Variants in TTYH1 observed in about 807,000 individuals in gnomAD.
The protein encoded by TTYH1 is protein tweety homolog 1.
Under a neutral mutation model 61.2 loss-of-function variants are expected in TTYH1, and 33 were observed. The observed-to-expected ratio is 0.54, with a 90% CI of 0.41 to 0.72. TTYH1 has a LOEUF of 0.72. Ranked by LOEUF, TTYH1 falls within the 30% of genes least tolerant of loss-of-function variation. The probability of loss-of-function intolerance (pLI) is 0.00; values close to 1 mark genes in which losing one functional copy is unlikely to be tolerated. For synonymous variants in TTYH1, 308 were observed against 266.4 expected, an observed-to-expected ratio of 1.16 and a Z score of -1.52; for missense variants, 538 against 575.8, an observed-to-expected ratio of 0.93 and a Z score of 0.67.
At position 54,417,691 on chromosome 19, in the gene TTYH1, A is replaced by G. The variant is rs1473568107; in HGVS notation, c.127-1437A>G. On this transcript the variant is annotated intron_variant, in intron 1 of 13. Coordinates refer to ENST00000376530, the MANE Select transcript of TTYH1 (RefSeq NM_020659.4). Reference sequence around the variant, plus strand: ...CATACACGTTTATACTCCCATACACACACACACGTACATTCCATTCACATC... The same window carrying G: ...CATACACGTTTATACTCCCATACACGCACACACGTACATTCCATTCACATC... 7.3e-5 allele frequency among the ~76,000 whole-genome samples: 11 copies of G among 151,112 alleles called. No homozygotes were observed. The South Asian group carries it at 2.1e-3, about 29-fold the overall frequency.
At position 54,429,279 on chromosome 19, in the gene TTYH1, CG is replaced by C. The variant is rs758775174; in HGVS notation, c.735-25del. On this transcript the variant is annotated intron_variant, in intron 5 of 13. Coordinates refer to ENST00000376530, the MANE Select transcript of TTYH1 (RefSeq NM_020659.4). The surrounding 1 kb of genome is among the most constrained non-coding windows in gnomAD (Gnocchi z 5.1). Reference sequence around the variant, plus strand: ...GGCTAGGCTAGGAGATTAAGAACCCCGGGCTGATCCTCCCTCCCCCACTCTA... The same window carrying C: ...GGCTAGGCTAGGAGATTAAGAACCCCGGCTGATCCTCCCTCCCCCACTCTA... The C allele has an allele frequency of 3.0e-5, 49 of 1,609,846 alleles. No homozygotes were observed. The East Asian group carries it at 1.0e-3, about 33-fold the overall frequency.
At chr19:54,427,384 T>C (rs1056765626) in intron 5 of TTYH1, among the ~76,000 whole-genome samples, 2 of 140,692 alleles carry the variant, frequency 1.4e-5, no homozygotes, top group African/African-American at 2.7e-5. Context: ...GGAGGGCGGA[T>C]CACGAGGTCA....
chr19:54,433,573 A>AT (rs1452798950), intron 10 of TTYH1: 1 of 150,688 alleles, frequency 6.6e-6, no homozygotes, highest in Non-Finnish European at 1.5e-5. Flanking sequence ...AAAAAAAAAA[A>AT]AAATAGGAGG....
chr19:54,430,240 G>A (rs1313429153), intron 7 of TTYH1, among the ~76,000 whole-genome samples: 1 of 152,094 alleles, frequency 6.6e-6, no homozygotes, highest in Admixed American at 6.6e-5. Context: ...GTGCCAGGAA[G>A]AGAGAGGAGG....
Position 54,416,012 on chromosome 19 carries a change from G to A in TTYH1, c.126+334G>A. On this transcript the variant is annotated intron_variant, in intron 1 of 13. Coordinates refer to ENST00000376530, the MANE Select transcript of TTYH1 (RefSeq NM_020659.4). This position sits in a 1 kb window ranked among gnomAD's most constrained non-coding sequence, Gnocchi z 7.0. Reference sequence around the variant, plus strand: ...GCCGGCCTCCAGGGTCATCGGGAGGGTAGGTCTACTCTTCCTGCCCTAAAA... The same window carrying A: ...GCCGGCCTCCAGGGTCATCGGGAGGATAGGTCTACTCTTCCTGCCCTAAAA... 7.5e-7 allele frequency: 1 copy of A among 1,335,786 alleles called. No homozygotes were observed. Among genetic ancestry groups the A allele is most frequent in the African/African-American group, 1.5e-5 (1 of 67,206 alleles). The allele number at this position is 1,335,786 out of a possible 1,614,324, so 82.7% of individuals were successfully genotyped here. A position where few individuals can be genotyped will look rare whatever the true frequency, so the allele number is the denominator to read the frequency against.
rs536679349 is a variant in TTYH1, at chr19:54,420,927, G to T, written c.306-350G>T. On this transcript the variant is annotated intron_variant, in intron 2 of 13. Transcript: ENST00000376530. The surrounding 1 kb of genome is among the most constrained non-coding windows in gnomAD (Gnocchi z 4.8). ...AAAGGATGCGGGGGAAGGGTGTGGG[G>T]CAGGCAGTCCTAGGGAGGGGAAGAC... is the stretch of plus-strand genomic sequence containing the variant. 2 of 366,618 alleles carry T rather than the reference G, an allele frequency of 5.5e-6. No homozygotes were observed. The highest frequency in any genetic ancestry group is 3.0e-5 in the South Asian group (1 of 33,102). The allele number at this position is 366,618 out of a possible 1,614,324, so 22.7% of individuals were successfully genotyped here. A position where few individuals can be genotyped will look rare whatever the true frequency, so the allele number is the denominator to read the frequency against.
chr19:54,417,525 T>C (rs561219921), intron 1 of TTYH1, among the ~76,000 whole-genome samples: 3 of 151,370 alleles, frequency 2.0e-5, no homozygotes, highest in Non-Finnish European at 4.4e-5. Context: ...CACTTACACA[T>C]ACACAATCAC....
At chr19:54,417,411 TCA>T (rs967998066) in intron 1 of TTYH1, among the ~76,000 whole-genome samples, 5 of 149,564 alleles carry the variant, frequency 3.3e-5, no homozygotes, top group African/African-American at 1.2e-4. Flanking sequence ...CATTACACAC[TCA>T]CATATGCACA....
intron 5 of TTYH1, among the ~76,000 whole-genome samples, chr19:54,427,606 A>AAAC (rs1218519237): frequency 0.45 from 50,732 of 111,772 alleles, 8,787 homozygotes; most frequent in South Asian, 0.49. Flanking sequence ...TCCATTTCAA[A>AAAC]AACAACAACA....
rs375614952 is a variant in TTYH1 at position 54,419,144 on chromosome 19, C to A, written c.143C>A (p.Ala48Glu). The change falls in exon 2 of 14, where the codon GCG becomes GAG. Residue 48 changes from alanine (A) to glutamate (E), a missense_variant. Around this residue, in one of 3 missense-constraint regions of TTYH1, gnomAD observed 157 missense variants for 157.0 expected, o/e 1.00. Transcript: ENST00000376530. This position sits in a 1 kb window ranked among gnomAD's most constrained non-coding sequence, Gnocchi z 6.1. ...CTTCCCCAGGCCTTGTTGCTGGTGG[C>A]GGCCTTGGCGGGCCTGGGCTTGGGC... is the stretch of plus-strand genomic sequence containing the variant. Reference protein sequence around the residue: ...QEYQQALLLVAALAGLGLGLS... With the variant: ...QEYQQALLLVEALAGLGLGLS... The A allele has an allele frequency of 1.2e-6, 2 of 1,611,806 alleles. No homozygotes were observed. Among genetic ancestry groups the A allele is most frequent in the Admixed American group, 1.7e-5 (1 of 59,758 alleles).
Position 54,419,069 on chromosome 19 carries a change from G to A in TTYH1, c.127-59G>A. On this transcript the variant is annotated intron_variant, in intron 1 of 13. Transcript: ENST00000376530. The surrounding 1 kb of genome is among the most constrained non-coding windows in gnomAD (Gnocchi z 6.1). Reference sequence around the variant, plus strand: ...CGACCCCCCAGCCACGCAGGAAGGGGGATCTGAGTGTGGAACACACGGGTG... The same window carrying A: ...CGACCCCCCAGCCACGCAGGAAGGGAGATCTGAGTGTGGAACACACGGGTG... 6.5e-7 allele frequency: 1 copy of A among 1,529,526 alleles called. No individual in the cohort carries two copies. Among genetic ancestry groups the A allele is most frequent in the Non-Finnish European group, 8.9e-7 (1 of 1,129,282 alleles). The allele number at this position is 1,529,526 out of a possible 1,614,324, so 94.7% of individuals were successfully genotyped here.
In TTYH1 at chr19:54,429,917, T is replaced by C. The variant is rs752797809; in HGVS notation, c.843T>C (p.Tyr281=). Residue 281 remains tyrosine (Y), a synonymous_variant, in exon 7 of 14, where the codon TAT becomes TAC. Transcript: ENST00000376530. This position sits in a 1 kb window ranked among gnomAD's most constrained non-coding sequence, Gnocchi z 5.1. ...LSDFCSNPDP[Y]VLNLTQEETG... ...ACTTCTGCTCCAATCCAGACCCTTA[T>C]GTTCTGAACCTGACCCAGGAGGAGA... The C allele has an allele frequency of 5.0e-6, 8 of 1,614,030 alleles. No individual in the cohort carries two copies. The highest frequency in any genetic ancestry group is 4.0e-5 in the African/African-American group (3 of 75,046).
At position 54,431,134 on chromosome 19, in the gene TTYH1, G is replaced by C; in HGVS notation, c.1068G>C (p.Val356=). ...TGTCCTTGGAGGAGACTCTGAATGT[G>C]ACAGAAGGAAATTTCCACCAGTTGG... is the stretch of plus-strand genomic sequence containing the variant. The part of the protein sequence containing the change: ...PLLSLEETLN[V]TEGNFHQLVA... The change falls in exon 10 of 14, where the codon GTG becomes GTC. Residue 356 remains valine, a synonymous_variant. Transcript: ENST00000376530. The C allele has an allele frequency of 1.2e-6, 2 of 1,614,020 alleles. No individual in the cohort carries two copies. Among genetic ancestry groups the C allele is most frequent in the Non-Finnish European group, 1.7e-6 (2 of 1,179,930 alleles).
In TTYH1 at chr19:54,429,500, T is replaced by A; in HGVS notation, c.807+121T>A. 2.2e-6 allele frequency: 2 copies of A among 925,268 alleles called. No homozygotes were observed. The highest frequency in any genetic ancestry group is 3.4e-6 in the Non-Finnish European group (2 of 590,908). 57.3% of individuals were successfully genotyped at this position (925,268 alleles called of 1,614,324 possible). On this transcript the variant is annotated intron_variant, in intron 6 of 13. Coordinates refer to ENST00000376530, the MANE Select transcript of TTYH1 (RefSeq NM_020659.4). The surrounding 1 kb of genome is among the most constrained non-coding windows in gnomAD (Gnocchi z 5.1). ...GAATTGGGGGGCACGATCACAGCTC[T>A]GAGGTTTAGGGCTTGTTTCCTGGGG...
intron 11 of TTYH1, 41 bp from the exon 12 acceptor site, chr19:54,435,787 C>T (rs1481914091): frequency 1.2e-6 from 2 of 1,613,624 alleles, no homozygotes; most frequent in East Asian, 2.2e-5. Flanking sequence ...CCTGATGGGT[C>T]CCCATCCCGC....
chr19:54,429,868 G>C lies in TTYH1; in HGVS notation c.808-14G>C. ...AGTTTTGGGTTTGAGCCCCTTTTCT[G>C]CTGCCTCACGCAGGGCCTCAGTGAC... On this transcript the variant is annotated splice_polypyrimidine_tract_variant and intron_variant, in intron 6 of 13. Coordinates refer to ENST00000376530, the MANE Select transcript of TTYH1 (RefSeq NM_020659.4). This position sits in a 1 kb window ranked among gnomAD's most constrained non-coding sequence, Gnocchi z 5.1. The C allele has an allele frequency of 6.2e-7, 1 of 1,613,268 alleles. No individual in the cohort carries two copies. The highest frequency in any genetic ancestry group is 8.5e-7 in the Non-Finnish European group (1 of 1,179,526).
chr19:54,427,155 GGT>G lies in TTYH1; in HGVS notation c.734+391_734+392del, dbSNP rs373493947. On this transcript the variant is annotated intron_variant, in intron 5 of 13. Transcript: ENST00000376530. ...CTATTAAAAATACAAAAATTAGCTG[GGT>G]GTGGTGGCATGCGCCTGTAGTCCCA... Among the ~76,000 whole-genome samples the G allele has an allele frequency of 3.5e-3, 525 of 151,726 alleles. 5 individuals are homozygous for G. Among genetic ancestry groups the G allele is most frequent in the African/African-American group, 0.012 (502 of 41,288 alleles).
In TTYH1 at chr19:54,416,577, TG is replaced by T; in HGVS notation, c.126+902del. 2.6e-6 allele frequency: 1 copy of T among 391,854 alleles called. No individual in the cohort carries two copies. The highest frequency in any genetic ancestry group is 4.5e-6 in the Non-Finnish European group (1 of 222,648). 24.3% of individuals were successfully genotyped at this position (391,854 alleles called of 1,614,324 possible). A position where few individuals can be genotyped will look rare whatever the true frequency, so the allele number is the denominator to read the frequency against. ...GCCCTGCTGATGGGGCCTGAGCCCC[TG>T]GGCTCCGTCTTGGGTTGCTCCTGGG... is the stretch of plus-strand genomic sequence containing the variant. On this transcript the variant is annotated intron_variant, in intron 1 of 13. Transcript: ENST00000376530. The surrounding 1 kb of genome is among the most constrained non-coding windows in gnomAD (Gnocchi z 7.0).
intron 1 of TTYH1, among the ~76,000 whole-genome samples, chr19:54,417,754 A>G (rs1370132776): frequency 6.6e-6 from 1 of 151,844 alleles, no homozygotes; most frequent in Non-Finnish European, 1.5e-5. Flanking sequence ...TATAGCATTC[A>G]TGTGCACACA....
Sources: gnomAD v4.1 joint callset for allele counts (sites outside exome capture counted in the v4.1 genomes callset) on GRCh38, gnomAD v4.1.1 for gene constraint, gnomAD v4.1.1 regional missense constraint, Gnocchi (gnomAD v3.1) non-coding constraint, MANE v1.5 for transcripts, NCBI Gene and HGNC (gene_info 2026-07-23, HGNC 2026-07-21) for gene names.